Variants in GALNT14 observed in about 807,000 individuals in gnomAD.
GALNT14 encodes polypeptide N-acetylgalactosaminyltransferase 14.
Under a neutral mutation model 77.5 loss-of-function variants are expected in GALNT14, and 60 were observed. The ratio of observed to expected loss-of-function variants is 0.77; its 90% confidence interval spans 0.63 to 0.96. GALNT14 has a LOEUF of 0.96. Among genes scored for constraint, GALNT14 ranks in the 40% least tolerant of loss-of-function variants. GALNT14 has a pLI of 0.00. For synonymous variants in GALNT14, 280 were observed against 281.7 expected (o/e 0.99, Z 0.06); for missense variants, 710 against 731.0 (o/e 0.97, Z 0.33).
intron 11 of GALNT14, among the ~76,000 whole-genome samples, chr2:30,927,101 C>T (rs1421502179): frequency 6.6e-6 from 1 of 152,048 alleles, no homozygotes; most frequent in Admixed American, 6.5e-5. Context: ...AGAATGGAGG[C>T]ACCCGGAGGG....
chr2:31,068,581 C>T (rs994078821), intron 1 of GALNT14, among the ~76,000 whole-genome samples: 1 of 151,848 alleles, frequency 6.6e-6, no homozygotes. Flanking sequence ...TAGTGCAGAG[C>T]TACTCCTGTT....
intron 1 of GALNT14, among the ~76,000 whole-genome samples, chr2:31,015,671 T>C (rs1286852422): frequency 6.6e-6 from 1 of 152,234 alleles, no homozygotes; most frequent in African/African-American, 2.4e-5. Context: ...TATAAGGATG[T>C]ACTGACAAGG....
At chr2:31,041,247 G>A (rs1019795707) in intron 1 of GALNT14, among the ~76,000 whole-genome samples, 1 of 152,166 alleles carries the variant, frequency 6.6e-6, no homozygotes, top group Non-Finnish European at 1.5e-5. Flanking sequence ...GAGTACAGGT[G>A]GGTGAGGAAG....
At chr2:30,910,312 A>C (rs1334849821), downstream of GALNT14, among the ~76,000 whole-genome samples, 3 of 152,084 alleles carry the variant, frequency 2.0e-5, no homozygotes, top group African/African-American at 7.2e-5. Flanking sequence ...AAGATCCCAC[A>C]GCTAGTTGGT....
At chr2:31,067,208 G>C (rs1675030680) in intron 1 of GALNT14, among the ~76,000 whole-genome samples, 1 of 152,204 alleles carries the variant, frequency 6.6e-6, no homozygotes, top group Non-Finnish European at 1.5e-5. Context: ...GGGCCAAACA[G>C]GAGATTCCCA....
intron 1 of GALNT14, among the ~76,000 whole-genome samples, chr2:31,072,468 A>G (rs969791226): frequency 2.7e-5 from 4 of 150,666 alleles, no homozygotes; most frequent in Non-Finnish European, 5.9e-5. Flanking sequence ...TTTCTGCCCT[A>G]TATCTTTCCT....
chr2:30,960,726 G>A (rs1044697080), intron 3 of GALNT14, among the ~76,000 whole-genome samples: 7 of 152,038 alleles, frequency 4.6e-5, no homozygotes, highest in East Asian at 3.9e-4. Flanking sequence ...CCTCCCTCAT[G>A]CACACCCACT....
the GALNT14 span, among the ~76,000 whole-genome samples, chr2:30,895,532 G>T: frequency 6.6e-6 from 1 of 152,106 alleles, no homozygotes; most frequent in East Asian, 1.9e-4. Flanking sequence ...TTAGTGTAAA[G>T]TTCATAAAAA....
chr2:30,995,129 GTTGTGTGTGTGTGTGTGT>G (rs1669943280), intron 1 of GALNT14, among the ~76,000 whole-genome samples: 1 of 115,000 alleles, frequency 8.7e-6, no homozygotes, highest in African/African-American at 3.5e-5. Flanking sequence ...CAGAACCAAT[GTTGTGTGTGTGTGTGTGT>G]GTGTGTGTGT....
At chr2:31,097,271 G>A (rs1398708031) in intron 1 of GALNT14, among the ~76,000 whole-genome samples, 1 of 152,126 alleles carries the variant, frequency 6.6e-6, no homozygotes, top group Non-Finnish European at 1.5e-5. Context: ...AGTCTTTGAG[G>A]CACAGTGGAC....
chr2:30,945,914 A>G, intron 6 of GALNT14, 44 bp from the exon 7 acceptor site: 1 of 1,562,928 alleles, frequency 6.4e-7, no homozygotes, highest in East Asian at 2.2e-5. Flanking sequence ...AGAGGAGCCC[A>G]GCTGGGAGTC....
chr2:31,021,699 C>G (rs1447326105), intron 1 of GALNT14, among the ~76,000 whole-genome samples: 1 of 152,198 alleles, frequency 6.6e-6, no homozygotes, highest in African/African-American at 2.4e-5. Context: ...AACAGCAGAG[C>G]TGAGTAGTTG....
At chr2:31,035,634 C>T (rs533966846) in intron 1 of GALNT14, among the ~76,000 whole-genome samples, 10,012 of 141,380 alleles carry the variant, frequency 0.071, 513 homozygotes, top group East Asian at 0.099. Flanking sequence ...CACACACACA[C>T]ACACACACAC....
the GALNT14 span, among the ~76,000 whole-genome samples, chr2:30,896,448 A>C: frequency 6.6e-6 from 1 of 152,236 alleles, no homozygotes; most frequent in Non-Finnish European, 1.5e-5. Flanking sequence ...ACTACAAGTT[A>C]TGACTTTGGA....
intron 1 of GALNT14, among the ~76,000 whole-genome samples, chr2:31,024,246 C>G (rs1218591096): frequency 1.3e-5 from 2 of 152,168 alleles, no homozygotes; most frequent in African/African-American, 2.4e-5. Flanking sequence ...CTCCCTGGCT[C>G]TTCCCCTTTC....
intron 1 of GALNT14, among the ~76,000 whole-genome samples, chr2:31,054,183 C>A (rs1674071565): frequency 6.6e-6 from 1 of 152,208 alleles, no homozygotes; most frequent in Admixed American, 6.5e-5. Flanking sequence ...CTTTGATCCC[C>A]TGGGATGAGC....
At chr2:31,114,773 T>C in intron 1 of GALNT14, 1 of 717,494 alleles carries the variant, frequency 1.4e-6, no homozygotes. Context: ...AGTCTGCAAA[T>C]GGAACTGAGC....
At chr2:31,075,302 T>C (rs1026828838) in intron 1 of GALNT14, among the ~76,000 whole-genome samples, 1 of 152,220 alleles carries the variant, frequency 6.6e-6, no homozygotes, top group Non-Finnish European at 1.5e-5. Context: ...CAATTAAACC[T>C]CTTTCCTTTA....
At chr2:31,079,164 C>T in intron 1 of GALNT14, 2 of 735,602 alleles carry the variant, frequency 2.7e-6, no homozygotes, top group Non-Finnish European at 3.8e-6. Flanking sequence ...TGCTATTGCC[C>T]AGGCTCCACA....
Sources: gnomAD v4.1 joint callset for allele counts (sites outside exome capture counted in the v4.1 genomes callset) on GRCh38, gnomAD v4.1.1 for gene constraint, MANE v1.5 for transcripts, NCBI Gene and HGNC (gene_info 2026-07-23, HGNC 2026-07-21) for gene names.